SMYD3: variants seen among roughly 807,000 people sequenced by gnomAD.
The protein encoded by SMYD3 is SET and MYND domain containing 3.
In SMYD3, 36 loss-of-function variants were observed where a neutral mutation model predicts 57.7. The observed-to-expected ratio is 0.62, with a 90% CI of 0.48 to 0.82. The LOEUF is 0.82. SMYD3 is among the 40% of genes least tolerant of loss of function. The pLI is 0.00. For synonymous variants in SMYD3, 211 were observed against 195.0 expected (o/e 1.08, Z -0.68); for missense variants, 515 against 538.8 (o/e 0.96, Z 0.44).
chr1:246,504,070 A>G (rs1214670293), intron 1 of SMYD3, among the ~76,000 whole-genome samples: 1 of 152,152 alleles, frequency 6.6e-6, no homozygotes, highest in Non-Finnish European at 1.5e-5. Flanking sequence ...AAAAACCAGA[A>G]GCCATTCCTT....
intron 5 of SMYD3, among the ~76,000 whole-genome samples, chr1:246,098,054 A>G (rs941983693): frequency 7.9e-5 from 12 of 152,182 alleles, no homozygotes; most frequent in African/African-American, 2.9e-4. Flanking sequence ...TTACCACTAA[A>G]CTGATTTTTA....
chr1:246,206,532 C>A (rs1261137233), intron 5 of SMYD3, among the ~76,000 whole-genome samples: 1 of 151,784 alleles, frequency 6.6e-6, no homozygotes, highest in Non-Finnish European at 1.5e-5. Flanking sequence ...ATGTACAGAA[C>A]TTGTATGCTT....
At chr1:245,825,833 T>C (rs1311245610) in intron 10 of SMYD3, among the ~76,000 whole-genome samples, 1 of 150,880 alleles carries the variant, frequency 6.6e-6, no homozygotes, top group East Asian at 2.0e-4. Flanking sequence ...ATCTAAAGTT[T>C]AGAAGAATTA....
At chr1:246,214,440 G>A (rs2063133858) in intron 5 of SMYD3, among the ~76,000 whole-genome samples, 1 of 151,892 alleles carries the variant, frequency 6.6e-6, no homozygotes, top group Non-Finnish European at 1.5e-5. Context: ...GTAAAACAAA[G>A]GAAAAAAGAC....
chr1:245,792,116 T>TTCATTCATTCAC (rs1221424232), intron 10 of SMYD3, among the ~76,000 whole-genome samples: 1 of 152,112 alleles, frequency 6.6e-6, no homozygotes, highest in Non-Finnish European at 1.5e-5. Flanking sequence ...AGCCAACTCA[T>TTCATTCATTCAC]TCATTCATTC....
intron 10 of SMYD3, among the ~76,000 whole-genome samples, chr1:245,769,547 T>C (rs1019476355): frequency 6.6e-6 from 1 of 152,184 alleles, no homozygotes; most frequent in African/African-American, 2.4e-5. Context: ...AGAAGAATAC[T>C]GTAGATTAAA....
intron 5 of SMYD3, among the ~76,000 whole-genome samples, chr1:246,233,450 C>G (rs866674313): frequency 3.0e-5 from 4 of 133,972 alleles, no homozygotes; most frequent in African/African-American, 5.7e-5. Context: ...TCCTTCAATC[C>G]ACACTGTGAT....
intron 8 of SMYD3, among the ~76,000 whole-genome samples, chr1:245,904,192 T>C (rs1373443669): frequency 3.3e-5 from 5 of 152,138 alleles, no homozygotes; most frequent in South Asian, 2.1e-4. Context: ...GGGGGCTGTT[T>C]TCCTGAGACG....
chr1:246,351,651 T>C (rs1015068047), intron 2 of SMYD3, among the ~76,000 whole-genome samples: 1 of 152,230 alleles, frequency 6.6e-6, no homozygotes, highest in African/African-American at 2.4e-5. Context: ...ATGTGTACGC[T>C]ATATATGATG....
At chr1:245,970,594 A>G (rs192409218) in intron 5 of SMYD3, among the ~76,000 whole-genome samples, 1 of 152,266 alleles carries the variant, frequency 6.6e-6, no homozygotes, top group East Asian at 1.9e-4. Flanking sequence ...ATCTACAAGG[A>G]ACTTAAATTT....
intron 5 of SMYD3, among the ~76,000 whole-genome samples, chr1:245,984,992 A>G (rs1275720247): frequency 1.3e-5 from 2 of 152,106 alleles, no homozygotes; most frequent in Non-Finnish European, 2.9e-5. Flanking sequence ...AACAGTTTCC[A>G]GGCCAATGGA....
rs1179405563 is a variant in SMYD3 at position 246,175,076 on chromosome 1, T to A, written c.531+152125A>T. ...ATCATTTATACAATACACCTCAAAG[T>A]TCAGAAATTATTGGGGGAAAAACTA... is the stretch of plus-strand genomic sequence containing the variant. On this transcript the variant is annotated intron_variant, in intron 5 of 11. Transcript: ENST00000490107. 2.0e-5 allele frequency among the ~76,000 whole-genome samples: 3 copies of A among 152,300 alleles called. No individual in the cohort carries two copies. In the East Asian group the frequency reaches 5.8e-4, roughly 29 times the overall value.
intron 10 of SMYD3, among the ~76,000 whole-genome samples, chr1:245,847,149 G>A (rs757693697): frequency 7.2e-5 from 11 of 152,078 alleles, no homozygotes; most frequent in Non-Finnish European, 1.3e-4. Context: ...TCTATCTCAC[G>A]AGCTCAAGAG....
At chr1:245,929,505 T>C (rs948379305) in intron 6 of SMYD3, among the ~76,000 whole-genome samples, 2 of 152,110 alleles carry the variant, frequency 1.3e-5, no homozygotes, top group Non-Finnish European at 2.9e-5. Context: ...ACCCAACTGA[T>C]ACGTACGGCA....
chr1:246,068,899 A>C (rs2060395599), intron 5 of SMYD3, among the ~76,000 whole-genome samples: 1 of 152,160 alleles, frequency 6.6e-6, no homozygotes, highest in Admixed American at 6.5e-5. Context: ...CTTATGTCTT[A>C]CCTTATGCTT....
In SMYD3 at chr1:246,036,880, T is replaced by C. The variant is rs1440163176; in HGVS notation, c.532-106943A>G. Among the ~76,000 whole-genome samples, 4 of 152,064 alleles carry C rather than the reference T, an allele frequency of 2.6e-5. No homozygotes were observed. In the East Asian group the frequency reaches 7.7e-4, roughly 29 times the overall value. ...CGCCTCGCCTTTTATTTTATTATCA[T>C]CATTTAGTTATGAAAGCCAAAGCTG... is the stretch of plus-strand genomic sequence containing the variant. On this transcript the variant is annotated intron_variant, in intron 5 of 11. Transcript: ENST00000490107.
chr1:246,077,572 G>A (rs1159122343), intron 5 of SMYD3, among the ~76,000 whole-genome samples: 1 of 150,338 alleles, frequency 6.7e-6, no homozygotes, highest in South Asian at 2.1e-4. Flanking sequence ...TTTTTTTTCT[G>A]TAATCAGAAT....
At chr1:246,386,878 T>C (rs539408085) in intron 1 of SMYD3, among the ~76,000 whole-genome samples, 5 of 147,222 alleles carry the variant, frequency 3.4e-5, no homozygotes, top group Non-Finnish European at 7.6e-5. Flanking sequence ...TATACAATGT[T>C]ATACTTTCTG....
At chr1:246,028,136 A>C (rs1398478098) in intron 5 of SMYD3, among the ~76,000 whole-genome samples, 1 of 152,200 alleles carries the variant, frequency 6.6e-6, no homozygotes, top group African/African-American at 2.4e-5. Context: ...CAAACTGAAA[A>C]ACCTAAAGGA....
Sources: allele counts gnomAD v4.1 joint callset (sites outside exome capture counted in the v4.1 genomes callset), GRCh38; gene constraint gnomAD v4.1.1; transcripts MANE v1.5; gene names NCBI Gene and HGNC (gene_info 2026-07-23, HGNC 2026-07-21).